The following CEP350 variants were observed in gnomAD, a reference collection of about 807,000 sequenced individuals.
The protein encoded by CEP350 is centrosome-associated protein 350.
CEP350 carries 126 observed loss-of-function variants against 331.8 expected under a neutral mutation model. That is an observed-to-expected ratio of 0.38 (90% confidence interval 0.33 to 0.44). CEP350 has a LOEUF of 0.44. Ranked by LOEUF, CEP350 falls within the 20% of genes least tolerant of loss-of-function variation. The probability of loss-of-function intolerance (pLI) is 1.00; values close to 1 mark genes in which losing one functional copy is unlikely to be tolerated. For missense variants in CEP350, 3,406 were observed against 3,634.6 expected, an observed-to-expected ratio of 0.94 and a Z score of 1.62; for synonymous variants, 1,200 against 1,259.5, an observed-to-expected ratio of 0.95 and a Z score of 1.00.
intron 8 of CEP350, among the ~76,000 whole-genome samples, chr1:180,011,002 C>A (rs1020820936): frequency 2.7e-5 from 4 of 149,330 alleles, no homozygotes; most frequent in African/African-American, 9.8e-5. Context: ...TTTTTCATTT[C>A]TTTTTAAGTC....
intron 30 of CEP350, among the ~76,000 whole-genome samples, chr1:180,082,965 A>C (rs547724158): frequency 1.3e-5 from 2 of 152,336 alleles, no homozygotes; most frequent in Admixed American, 6.5e-5. Flanking sequence ...AGTATGTCTT[A>C]ACTCAGTGTC....
At chr1:179,977,773 CT>C (rs927250483) in intron 1 of CEP350, among the ~76,000 whole-genome samples, 1 of 151,940 alleles carries the variant, frequency 6.6e-6, no homozygotes, top group African/African-American at 2.4e-5. Flanking sequence ...TTTACTGTAA[CT>C]TTTTTTACTT....
At position 180,057,114 on chromosome 1, in the gene CEP350, T is replaced by A. The variant is rs79988183; in HGVS notation, c.5262+2612T>A. Among the ~76,000 whole-genome samples, 27 of 151,402 alleles carry A rather than the reference T, an allele frequency of 1.8e-4. No homozygotes were observed. In the Middle Eastern group the frequency reaches 0.01, roughly 57 times the overall value. On this transcript the variant is annotated intron_variant, in intron 25 of 37. Transcript: ENST00000367607. ...ACTTTTCTTTCTTTTTTTTTTTTTT[T>A]GGAGATGGAGTTTCACTCTTCCTGC...
intron 3 of CEP350, among the ~76,000 whole-genome samples, chr1:179,990,015 T>G (rs973994468): frequency 5.9e-5 from 9 of 151,354 alleles, no homozygotes; most frequent in African/African-American, 1.9e-4. Context: ...ATGTGGAAAC[T>G]CCATCTCTAC....
At chr1:180,004,902 G>GCTTTCTTTCTTTCTTTCTTTCTTTCTTT (rs1355344694) in intron 7 of CEP350, among the ~76,000 whole-genome samples, 6 of 125,426 alleles carry the variant, frequency 4.8e-5, no homozygotes, top group South Asian at 2.5e-4. Context: ...TTGCTTGCTT[G>GCTTTCTTTCTTTCTTTCTTTCTTTCTTT]CTTGCTTTCT....
rs1657696951 is a variant in CEP350, at chr1:180,054,511, G to A, written c.5262+9G>A. On this transcript the variant is annotated intron_variant, in intron 25 of 37. Coordinates refer to ENST00000367607, the MANE Select transcript of CEP350 (RefSeq NM_014810.5). ...GGTTGCAGCAAGAAAAGGTATGTTA[G>A]GGAAGGCACCCCTTTAGGACAGCTT... 1.3e-6 allele frequency: 2 copies of A among 1,586,762 alleles called. No homozygotes were observed. The highest frequency in any genetic ancestry group is 8.6e-7 in the Non-Finnish European group (1 of 1,164,114).
At position 180,090,700 on chromosome 1, in the gene CEP350, T is replaced by C; in HGVS notation, c.6426-14T>C. ...TAATATGTTTATTTCTGCTCATTAATTTTTACACGTCAGATCTGAAACGGC... is the reference window on the plus strand; with the variant it reads ...TAATATGTTTATTTCTGCTCATTAACTTTTACACGTCAGATCTGAAACGGC... On this transcript the variant is annotated splice_polypyrimidine_tract_variant and intron_variant, in intron 32 of 37. Transcript: ENST00000367607. The C allele has an allele frequency of 6.5e-7, 1 of 1,537,882 alleles. No individual in the cohort carries two copies. The highest frequency in any genetic ancestry group is 8.8e-7 in the Non-Finnish European group (1 of 1,141,392).
At chr1:179,978,553 C>CA (rs1439462874) in intron 1 of CEP350, among the ~76,000 whole-genome samples, 1 of 152,104 alleles carries the variant, frequency 6.6e-6, no homozygotes, top group Non-Finnish European at 1.5e-5. Context: ...ACCCCCCTCC[C>CA]AGCCCCTACT....
intron 21 of CEP350, among the ~76,000 whole-genome samples, chr1:180,047,523 G>C (rs533515573): frequency 2.8e-4 from 43 of 151,924 alleles, no homozygotes; most frequent in Non-Finnish European, 5.0e-4. Flanking sequence ...TTGGGAGACC[G>C]AGGCAGGTGG....
At chr1:180,089,677 G>A (rs1333476434) in intron 32 of CEP350, among the ~76,000 whole-genome samples, 1 of 152,108 alleles carries the variant, frequency 6.6e-6, no homozygotes, top group African/African-American at 2.4e-5. Flanking sequence ...GTAGTTGATT[G>A]GGTCAAGGTT....
At chr1:180,012,552 C>T (rs1232316451) in intron 9 of CEP350, among the ~76,000 whole-genome samples, 1 of 152,198 alleles carries the variant, frequency 6.6e-6, no homozygotes, top group Non-Finnish European at 1.5e-5. Context: ...GTTTGACCCT[C>T]AAGTCCACTG....
At chr1:180,090,911 G>T in intron 33 of CEP350, 115 bp downstream of exon 33, 1 of 843,226 alleles carries the variant, frequency 1.2e-6, no homozygotes, top group South Asian at 4.2e-5. Context: ...TTCTTAAGTA[G>T]ATTATTTAAC....
intron 6 of CEP350, among the ~76,000 whole-genome samples, chr1:179,997,926 C>A (rs1461420765): frequency 6.6e-6 from 1 of 151,960 alleles, no homozygotes; most frequent in Non-Finnish European, 1.5e-5. Flanking sequence ...GAATGATTTA[C>A]CATCCTCATA....
chr1:180,080,195 A>C (rs189669605), intron 29 of CEP350, among the ~76,000 whole-genome samples: 1 of 152,306 alleles, frequency 6.6e-6, no homozygotes, highest in Admixed American at 6.5e-5. Context: ...TAAAATTAAA[A>C]GAATGGAGGG....
In CEP350 at chr1:180,084,185, C is replaced by T; in HGVS notation, c.6285+7C>T. 1 of 1,577,320 alleles carries T rather than the reference C, an allele frequency of 6.3e-7. No homozygotes were observed. Among genetic ancestry groups the T allele is most frequent in the Non-Finnish European group, 8.6e-7 (1 of 1,162,828 alleles). The stretch of plus-strand genomic sequence containing the variant: ...TCTGATCAAGCAGTTAGAGGTTAGA[C>T]ATAGGAAGAAGGGGGTTTAGTATCA... On this transcript the variant is annotated splice_region_variant and intron_variant, in intron 31 of 37. Coordinates refer to ENST00000367607, the MANE Select transcript of CEP350 (RefSeq NM_014810.5).
rs1180945386 is a variant in CEP350 at position 180,015,950 on chromosome 1, A to G, written c.2154A>G (p.Glu718=). The G allele has an allele frequency of 1.2e-6, 2 of 1,613,666 alleles. No individual in the cohort carries two copies. The highest frequency in any genetic ancestry group is 2.7e-5 in the African/African-American group (2 of 74,874). ...CCAGTAGTGACATGTCTCTCTCAGA[A>G]CCTCCACAGCCTCTTGCAAGGTAAA... ...ASSSSDMSLS[E]PPQPLARKDL... The change falls in exon 11 of 38, where the codon GAA becomes GAG. Residue 718 remains glutamate (E), a synonymous_variant. Coordinates refer to ENST00000367607, the MANE Select transcript of CEP350 (RefSeq NM_014810.5).
chr1:180,088,785 CATGTT>C (rs1226791833), intron 32 of CEP350, among the ~76,000 whole-genome samples: 1 of 152,058 alleles, frequency 6.6e-6, no homozygotes, highest in African/African-American at 2.4e-5. Context: ...GGTTAATACA[CATGTT>C]ATGAGGGTTA....
chr1:179,985,205 A>C (rs1652565966), intron 1 of CEP350, among the ~76,000 whole-genome samples: 1 of 151,950 alleles, frequency 6.6e-6, no homozygotes, highest in Non-Finnish European at 1.5e-5. Context: ...TTCTGTCTCT[A>C]TGTTTTTGAC....
chr1:179,991,403 A>G (rs911040993), intron 4 of CEP350, among the ~76,000 whole-genome samples: 1 of 142,596 alleles, frequency 7.0e-6, no homozygotes, highest in East Asian at 2.0e-4. Context: ...TGCAACCTCT[A>G]CGTCCTGGGT....
Sources: allele counts gnomAD v4.1 joint callset (sites outside exome capture counted in the v4.1 genomes callset), GRCh38; gene constraint gnomAD v4.1.1; transcripts MANE v1.5; gene names NCBI Gene and HGNC (gene_info 2026-07-23, HGNC 2026-07-21).